Variants in SLC25A21 observed in about 807,000 individuals in gnomAD.
SLC25A21 encodes the protein mitochondrial 2-oxodicarboxylate carrier.
In SLC25A21, 47 loss-of-function variants were observed where a neutral mutation model predicts 43.8. The observed-to-expected ratio is 1.07, with a 90% CI of 0.85 to 1.37. SLC25A21 has a LOEUF of 1.37. Among genes scored for constraint, SLC25A21 ranks in the 40% most tolerant of loss-of-function variants. SLC25A21 has a pLI of 0.00. For synonymous variants in SLC25A21, 131 were observed against 121.3 expected, an observed-to-expected ratio of 1.08 and a Z score of -0.52; for missense variants, 352 against 350.2, an observed-to-expected ratio of 1.00 and a Z score of -0.04.
At chr14:37,089,292 T>A (rs930140473) in intron 1 of SLC25A21, among the ~76,000 whole-genome samples, 5 of 152,166 alleles carry the variant, frequency 3.3e-5, no homozygotes, top group African/African-American at 1.2e-4. Context: ...ATATATATAT[T>A]TTCTACAGTC....
intron 7 of SLC25A21, among the ~76,000 whole-genome samples, chr14:36,699,116 CCTT>C (rs1019601849): frequency 4.7e-5 from 7 of 150,206 alleles, no homozygotes; most frequent in Non-Finnish European, 1.0e-4. Flanking sequence ...GTGTAGATGA[CCTT>C]TTTTTTTTTT....
chr14:36,780,110 A>G (rs1886997532), intron 3 of SLC25A21, among the ~76,000 whole-genome samples: 1 of 151,716 alleles, frequency 6.6e-6, no homozygotes, highest in Non-Finnish European at 1.5e-5. Flanking sequence ...CTTTTTTTGT[A>G]GTTTATCAAT....
At chr14:37,132,494 TAGAA>T (rs1566903898) in intron 1 of SLC25A21, among the ~76,000 whole-genome samples, 2 of 152,240 alleles carry the variant, frequency 1.3e-5, no homozygotes, top group South Asian at 2.1e-4. Context: ...TGAGGTAAAA[TAGAA>T]AGACTTTTCA....
chr14:36,774,028 C>T (rs991526962), intron 3 of SLC25A21, among the ~76,000 whole-genome samples: 4 of 152,134 alleles, frequency 2.6e-5, no homozygotes, highest in African/African-American at 9.7e-5. Flanking sequence ...GAGAGGAATT[C>T]CCAGATACCA....
intron 3 of SLC25A21, among the ~76,000 whole-genome samples, chr14:36,806,530 A>G (rs1244061065): frequency 6.6e-6 from 1 of 152,216 alleles, no homozygotes; most frequent in Non-Finnish European, 1.5e-5. Flanking sequence ...ATTAAAATGT[A>G]TGAGTATGAT....
rs755768328 is a variant in SLC25A21, at chr14:37,172,101, C to A, written c.70+180G>T. On this transcript the variant is annotated intron_variant, in intron 1 of 9. Coordinates refer to ENST00000331299, the MANE Select transcript of SLC25A21 (RefSeq NM_030631.4). The stretch of plus-strand genomic sequence containing the variant: ...CTTTACTTGGGGCACCCACTACTCG[C>A]AATCAACTCCCGGCCTCCTCTGCTC... The A allele has an allele frequency of 1.2e-4, 75 of 634,520 alleles. No homozygotes were observed. The African/African-American group carries it at 1.4e-3, about 12-fold the overall frequency. The allele number at this position is 634,520 out of a possible 1,614,324, so 39.3% of individuals were successfully genotyped here. A position where few individuals can be genotyped will look rare whatever the true frequency, so the allele number is the denominator to read the frequency against.
chr14:36,950,790 A>G (rs1270646825), intron 1 of SLC25A21, among the ~76,000 whole-genome samples: 1 of 152,226 alleles, frequency 6.6e-6, no homozygotes, highest in East Asian at 1.9e-4. Context: ...GTTTCCCCAC[A>G]ACCTAACATC....
intron 6 of SLC25A21, among the ~76,000 whole-genome samples, chr14:36,713,035 G>C (rs1439370572): frequency 6.6e-6 from 1 of 152,122 alleles, no homozygotes; most frequent in Non-Finnish European, 1.5e-5. Flanking sequence ...CAGCTTTCCT[G>C]GGGGTGGGAG....
chr14:36,807,430 T>C (rs1283102529), intron 3 of SLC25A21, among the ~76,000 whole-genome samples: 1 of 152,088 alleles, frequency 6.6e-6, no homozygotes, highest in South Asian at 2.1e-4. Flanking sequence ...GTTGGAAGTT[T>C]AGGAGGAGGA....
intron 3 of SLC25A21, among the ~76,000 whole-genome samples, chr14:36,791,947 CT>C (rs1035390582): frequency 6.6e-6 from 1 of 151,184 alleles, no homozygotes; most frequent in African/African-American, 2.4e-5. Context: ...ACATGGGTTT[CT>C]TTTTTTTTCT....
intron 1 of SLC25A21, among the ~76,000 whole-genome samples, chr14:37,001,138 CT>C (rs1960480410): frequency 6.6e-6 from 1 of 152,130 alleles, no homozygotes; most frequent in Non-Finnish European, 1.5e-5. Context: ...TCCCTATCCC[CT>C]ACTAGAATGC....
intron 7 of SLC25A21, among the ~76,000 whole-genome samples, chr14:36,708,157 G>A (rs1172064234): frequency 6.6e-6 from 1 of 152,138 alleles, no homozygotes; most frequent in Non-Finnish European, 1.5e-5. Context: ...CCCTACTGTA[G>A]GATACTTTGG....
chr14:36,907,435 A>G (rs1891566097), intron 1 of SLC25A21, among the ~76,000 whole-genome samples: 2 of 152,270 alleles, frequency 1.3e-5, no homozygotes, highest in African/African-American at 2.4e-5. Flanking sequence ...GTATGTATAC[A>G]TTGTGGATGC....
intron 1 of SLC25A21, among the ~76,000 whole-genome samples, chr14:37,053,381 T>C (rs911758465): frequency 6.6e-5 from 10 of 152,176 alleles, no homozygotes; most frequent in African/African-American, 2.4e-4. Context: ...TAGAGAGACA[T>C]CAACTTGTGA....
Position 36,745,914 on chromosome 14 carries a change from C to T in SLC25A21, c.204-11341G>A, listed in dbSNP as rs137878832. Among the ~76,000 whole-genome samples, 13 of 152,212 alleles carry T rather than the reference C, an allele frequency of 8.5e-5. No individual in the cohort carries two copies. In the East Asian group the frequency reaches 2.3e-3, roughly 27 times the overall value. ...TAAAACCATGATGAGATATCATCAC[C>T]TTACACTAGTTAGAATGCCTATTAA... On this transcript the variant is annotated intron_variant, in intron 3 of 9. Transcript: ENST00000331299.
At chr14:36,711,877 G>C (rs1024074749) in intron 6 of SLC25A21, among the ~76,000 whole-genome samples, 26 of 152,082 alleles carry the variant, frequency 1.7e-4, no homozygotes, top group African/African-American at 6.0e-4. Context: ...TTTATATTTG[G>C]CTCCTGAATC....
chr14:37,128,062 T>C (rs1963327905), intron 1 of SLC25A21, among the ~76,000 whole-genome samples: 1 of 152,230 alleles, frequency 6.6e-6, no homozygotes, highest in African/African-American at 2.4e-5. Context: ...TACTTTTGTT[T>C]ATTGTGTGGT....
chr14:36,977,726 T>C (rs1959912107), intron 1 of SLC25A21, among the ~76,000 whole-genome samples: 1 of 152,154 alleles, frequency 6.6e-6, no homozygotes, highest in Non-Finnish European at 1.5e-5. Flanking sequence ...TATCACACAT[T>C]ACTGTCAAAA....
intron 3 of SLC25A21, among the ~76,000 whole-genome samples, chr14:36,758,140 C>T (rs1289522829): frequency 1.3e-5 from 2 of 152,216 alleles, no homozygotes; most frequent in African/African-American, 4.8e-5. Context: ...ACCCTGGTGG[C>T]TCAGACCTCA....
Sources: gnomAD v4.1 joint callset for allele counts (sites outside exome capture counted in the v4.1 genomes callset) on GRCh38, gnomAD v4.1.1 for gene constraint, MANE v1.5 for transcripts, NCBI Gene and HGNC (gene_info 2026-07-23, HGNC 2026-07-21) for gene names.